Variants in KIF5A observed in about 807,000 individuals in gnomAD.
KIF5A encodes the protein kinesin family member 5A, also known as kinesin heavy chain isoform 5A.
A neutral mutation model predicts 141.3 loss-of-function variants in KIF5A; 35 were observed. The ratio of observed to expected loss-of-function variants is 0.25; its 90% CI spans 0.19 to 0.33. The LOEUF is 0.33. Ranked by LOEUF, KIF5A falls within the 10% of genes least tolerant of loss-of-function variation. The pLI, the probability that KIF5A is intolerant of heterozygous loss-of-function variation, is 1.00. For missense variants in KIF5A, 861 were observed against 1,314.3 expected, an observed-to-expected ratio of 0.66 and a Z score of 5.33; for synonymous variants, 448 against 500.2, an observed-to-expected ratio of 0.90 and a Z score of 1.39.
At chr12:57,579,886 G>A (rs923469957) in intron 23 of KIF5A, among the ~76,000 whole-genome samples, 1 of 152,034 alleles carries the variant, frequency 6.6e-6, no homozygotes, top group Non-Finnish European at 1.5e-5. Flanking sequence ...CTCTGCCTCT[G>A]TTCAAAGTCC....
rs1882381684 is a variant in KIF5A, at chr12:57,575,107, C to CGAG, written c.1747_1749dup (p.Glu583dup). The CGAG allele has an allele frequency of 6.2e-7, 1 of 1,614,014 alleles. No individual in the cohort carries two copies. Among genetic ancestry groups the CGAG allele is most frequent in the Non-Finnish European group, 8.5e-7 (1 of 1,179,970 alleles). ...AGCCAGTGGAGATCAGTGGGGCCAT[C>CGAG]GAGGAGGAGTTCACTGTGGCCCGAC... On this transcript the variant is annotated inframe_insertion, in exon 16 of 29. Coordinates refer to ENST00000455537, the MANE Select transcript of KIF5A (RefSeq NM_004984.4).
intron 13 of KIF5A, 140 bp downstream of exon 13, chr12:57,571,529 T>TG (rs1882255188): frequency 2.6e-6 from 2 of 778,540 alleles, no homozygotes; most frequent in Non-Finnish European, 4.3e-6. Flanking sequence ...AGCAGAAGTC[T>TG]GGGAACCTCA....
At chr12:57,576,645 A>G in intron 19 of KIF5A, 116 bp from the exon 20 acceptor site, 1 of 818,588 alleles carries the variant, frequency 1.2e-6, no homozygotes. Context: ...AGGTGGACAC[A>G]TCAATTCTAA....
rs12426997 is a variant in KIF5A at position 57,567,385 on chromosome 12, G to A, written c.590-109G>A. On this transcript the variant is annotated intron_variant, in intron 7 of 28. Coordinates refer to ENST00000455537, the MANE Select transcript of KIF5A (RefSeq NM_004984.4). ...AGATGTGGCAGCAGGGCTAGTCCTG[G>A]TGGGCACCTTCTCTCTGGGTGGGCG... The A allele has an allele frequency of 7.0e-3, 10,082 of 1,437,982 alleles. 1,040 individuals carry two copies. The Admixed American group carries it at 0.17, about 24-fold the overall frequency. 89.1% of individuals were successfully genotyped at this position (1,437,982 alleles called of 1,614,324 possible). A position where few individuals can be genotyped will look rare whatever the true frequency, so the allele number is the denominator to read the frequency against.
chr12:57,570,674 C>T (rs879712497), intron 12 of KIF5A, among the ~76,000 whole-genome samples: 11 of 152,182 alleles, frequency 7.2e-5, no homozygotes, highest in East Asian at 1.9e-4. Flanking sequence ...CGTGAGCCAC[C>T]GTGCCCGGCC....
Position 57,571,351 on chromosome 12 carries a change from A to G in KIF5A, c.1324A>G (p.Ile442Val). The part of the protein sequence containing the change: ...DDEINQQSQL[I>V]EKLKQQMLDQ... ...TGAAATCAACCAACAAAGCCAACTC[A>G]TAGAGAAGCTCAAGCAGCAAATGCT... The change falls in exon 13 of 29, where the codon ATA becomes GTA. Residue 442 changes from isoleucine (I) to valine (V), a missense_variant. By Grantham distance (29) the Ile-to-Val change is conservative. Transcript: ENST00000455537. 6.2e-7 allele frequency: 1 copy of G among 1,613,706 alleles called. No homozygotes were observed. Among genetic ancestry groups the G allele is most frequent in the Non-Finnish European group, 8.5e-7 (1 of 1,179,642 alleles).
intron 22 of KIF5A, 31 bp from the exon 23 acceptor site, chr12:57,578,207 C>T (rs771489559): frequency 6.3e-7 from 1 of 1,594,766 alleles, no homozygotes; most frequent in East Asian, 2.2e-5. Flanking sequence ...GGCCTCAGGA[C>T]AGCCACGTCT....
intron 1 of KIF5A, among the ~76,000 whole-genome samples, chr12:57,552,494 C>A (rs1424706758): frequency 6.6e-6 from 1 of 152,178 alleles, no homozygotes; most frequent in Non-Finnish European, 1.5e-5. Context: ...CTCACCCTAG[C>A]CCTCCCTGTC....
chr12:57,559,463 C>A (rs1414938234), intron 1 of KIF5A, among the ~76,000 whole-genome samples: 1 of 152,064 alleles, frequency 6.6e-6, no homozygotes, highest in Non-Finnish European at 1.5e-5. Context: ...TGAGGTCGAG[C>A]ATTAATTAAT....
intron 1 of KIF5A, among the ~76,000 whole-genome samples, chr12:57,558,547 G>A (rs1382741370): frequency 6.6e-6 from 1 of 152,144 alleles, no homozygotes; most frequent in Non-Finnish European, 1.5e-5. Flanking sequence ...GGTGGCGGGC[G>A]CCTATAATCC....
chr12:57,582,323 C>A (rs1882630526), intron 26 of KIF5A, among the ~76,000 whole-genome samples: 2 of 152,048 alleles, frequency 1.3e-5, no homozygotes, highest in African/African-American at 4.8e-5. Context: ...ACTGCCCAGC[C>A]CTTTAGGTCT....
chr12:57,571,986 A>G, intron 13 of KIF5A, 75 bp from the exon 14 acceptor site: 1 of 1,304,134 alleles, frequency 7.7e-7, no homozygotes, highest in East Asian at 2.4e-5. Context: ...GTGGGGGCTC[A>G]GCTTCCCAGA....
intron 27 of KIF5A, 56 bp downstream of exon 27, chr12:57,582,685 A>G: frequency 2.1e-6 from 3 of 1,438,096 alleles, no homozygotes; most frequent in Non-Finnish European, 2.9e-6. Context: ...AGAAATGATT[A>G]AATTTCCCTT....
intron 6 of KIF5A, 60 bp from the exon 7 acceptor site, chr12:57,567,058 AAAATAAAT>A (rs902637001): frequency 3.3e-5 from 29 of 866,294 alleles, no homozygotes; most frequent in Non-Finnish European, 3.8e-5. Context: ...AATAATAATA[AAAATAAAT>A]AAATAAATAC....
At position 57,550,689 on chromosome 12, in the gene KIF5A, C is replaced by T. The variant is rs1468844304; in HGVS notation, c.129+289C>T. On this transcript the variant is annotated intron_variant, in intron 1 of 28. Coordinates refer to ENST00000455537, the MANE Select transcript of KIF5A (RefSeq NM_004984.4). This position sits in a 1 kb window ranked among gnomAD's most constrained non-coding sequence, Gnocchi z 4.6. The stretch of plus-strand genomic sequence containing the variant: ...CGTCTCCACCCGTTAGAACCAGTCC[C>T]ATGTTTTTCTGATGTTTTCCCCTTC... Among the ~76,000 whole-genome samples the T allele has an allele frequency of 6.6e-6, 1 of 152,190 alleles. No homozygotes were observed. The highest frequency in any genetic ancestry group is 1.5e-5 in the Non-Finnish European group (1 of 68,044).
chr12:57,569,464 G>A (rs955777193), intron 10 of KIF5A, 60 bp downstream of exon 10: 23 of 1,613,046 alleles, frequency 1.4e-5, no homozygotes, highest in East Asian at 4.5e-5. Flanking sequence ...CAGCCTCTGC[G>A]GCTCTCTCTC....
At position 57,570,010 on chromosome 12, in the gene KIF5A, C is replaced by A; in HGVS notation, c.1141C>A (p.Arg381Ser). The A allele has an allele frequency of 1.2e-6, 2 of 1,613,548 alleles. No individual in the cohort carries two copies. The highest frequency in any genetic ancestry group is 1.7e-6 in the Non-Finnish European group (2 of 1,179,518). Residue 381 changes from arginine to serine, a missense_variant, in exon 12 of 29, where the codon CGC (arginine) becomes AGC (serine). Transcript: ENST00000455537. Reference sequence around the variant, plus strand: ...AGGAGAGAATGTGCCTGAGACAGAGCGCCTGGCTGGGGAGGAGGCAGCCCT... The same window carrying A: ...AGGAGAGAATGTGCCTGAGACAGAGAGCCTGGCTGGGGAGGAGGCAGCCCT... ...RNGENVPETERLAGEEAALGA... is the reference protein window; with the variant it reads ...RNGENVPETESLAGEEAALGA...
chr12:57,583,019 G>A, intron 27 of KIF5A, 82 bp from the exon 28 acceptor site: 1 of 1,142,904 alleles, frequency 8.7e-7, no homozygotes, highest in East Asian at 2.5e-5. Context: ...ATCTCACAGG[G>A]ACACTCTCAG....
Position 57,569,517 on chromosome 12 carries a change from C to G in KIF5A, c.969-18C>G. The G allele has an allele frequency of 1.2e-6, 2 of 1,614,052 alleles. No individual in the cohort carries two copies. The highest frequency in any genetic ancestry group is 1.7e-6 in the Non-Finnish European group (2 of 1,180,000). ...CTCATGTTGCTCTCATTTCTTTGTT[C>G]CTCTTCTCCTCACCCAGGGCAAAGA... On this transcript the variant is annotated intron_variant, in intron 10 of 28. Coordinates refer to ENST00000455537, the MANE Select transcript of KIF5A (RefSeq NM_004984.4).
Sources: gnomAD v4.1 joint callset for allele counts (sites outside exome capture counted in the v4.1 genomes callset) on GRCh38, gnomAD v4.1.1 for gene constraint, Gnocchi (gnomAD v3.1) non-coding constraint, MANE v1.5 for transcripts, NCBI Gene and HGNC (gene_info 2026-07-23, HGNC 2026-07-21) for gene names.